Variants in CCDC102B observed in about 807,000 individuals in gnomAD.
The protein encoded by CCDC102B is coiled-coil domain-containing protein 102B.
A neutral mutation model predicts 57.4 loss-of-function variants in CCDC102B; 75 were observed. The ratio of observed to expected loss-of-function variants is 1.31; its 90% CI spans 1.08 to 1.58. CCDC102B has a LOEUF of 1.58. Among genes scored for constraint, CCDC102B ranks in the 40% most tolerant of loss-of-function variants. CCDC102B has a pLI of 0.00. For synonymous variants in CCDC102B, 206 were observed against 201.9 expected, an observed-to-expected ratio of 1.02 and a Z score of -0.17; for missense variants, 636 against 582.6, an observed-to-expected ratio of 1.09 and a Z score of -0.94.
At chr18:68,777,826 T>C (rs1201251097) in intron 2 of CCDC102B, among the ~76,000 whole-genome samples, 2 of 152,088 alleles carry the variant, frequency 1.3e-5, no homozygotes, top group Non-Finnish European at 2.9e-5. Flanking sequence ...ATACAGTGAT[T>C]GCAATTGTTT....
intron 4 of CCDC102B, among the ~76,000 whole-genome samples, chr18:68,847,043 A>G (rs1179283122): frequency 6.6e-6 from 1 of 151,740 alleles, no homozygotes; most frequent in Non-Finnish European, 1.5e-5. Context: ...TTTACATGTT[A>G]TGTGTATTAA....
intron 2 of CCDC102B, among the ~76,000 whole-genome samples, chr18:68,773,570 T>C (rs931707607): frequency 2.0e-5 from 3 of 152,030 alleles, no homozygotes; most frequent in Non-Finnish European, 4.4e-5. Flanking sequence ...TTAAATATGA[T>C]TGGTTTTGAA....
intron 1 of CCDC102B, among the ~76,000 whole-genome samples, chr18:68,819,710 A>G (rs1350029205): frequency 1.3e-5 from 2 of 152,038 alleles, no homozygotes; most frequent in African/African-American, 2.4e-5. Context: ...ACAAACAGAC[A>G]TAATATATTC....
chr18:68,825,112 A>T (rs754629899), intron 1 of CCDC102B, among the ~76,000 whole-genome samples: 1 of 152,314 alleles, frequency 6.6e-6, no homozygotes, highest in East Asian at 1.9e-4. Context: ...TATTTGATTT[A>T]CGGAAGTTAC....
intron 6 of CCDC102B, among the ~76,000 whole-genome samples, chr18:68,913,344 G>GTGTGTGTGT (rs1555725389): frequency 1.3e-4 from 20 of 150,206 alleles, no homozygotes; most frequent in South Asian, 4.2e-4. Flanking sequence ...GTGTGTGTGT[G>GTGTGTGTGT]GTCCTACTTT....
intron 6 of CCDC102B, among the ~76,000 whole-genome samples, chr18:68,914,275 C>T (rs2040984744): frequency 1.3e-5 from 2 of 152,210 alleles, no homozygotes; most frequent in South Asian, 4.1e-4. Flanking sequence ...ATCCCAAAGA[C>T]GCATGTGCTA....
chr18:68,826,952 G>A (rs533810437), intron 1 of CCDC102B, among the ~76,000 whole-genome samples: 2 of 152,084 alleles, frequency 1.3e-5, no homozygotes, highest in African/African-American at 4.8e-5. Flanking sequence ...AATACAAAAT[G>A]TCAACACTAG....
intron 2 of CCDC102B, among the ~76,000 whole-genome samples, chr18:68,733,845 C>T (rs2033007329): frequency 6.6e-6 from 1 of 151,988 alleles, no homozygotes; most frequent in Non-Finnish European, 1.5e-5. Flanking sequence ...CTGTAAAGAC[C>T]TTTAGGTTCC....
chr18:68,941,412 G>A (rs1017789757), intron 6 of CCDC102B, among the ~76,000 whole-genome samples: 1 of 151,864 alleles, frequency 6.6e-6, no homozygotes, highest in Non-Finnish European at 1.5e-5. Flanking sequence ...GTGAAAGCTA[G>A]GTCTAAATTT....
chr18:68,956,539 T>TTA (rs376706423), intron 6 of CCDC102B, among the ~76,000 whole-genome samples: 1,066 of 5,682 alleles, frequency 0.19, 196 homozygotes, highest in African/African-American at 0.34. Context: ...ATTATATATT[T>TTA]TATATATATA....
chr18:68,752,574 A>G (rs2033899330), intron 2 of CCDC102B, among the ~76,000 whole-genome samples: 1 of 151,698 alleles, frequency 6.6e-6, no homozygotes, highest in Admixed American at 6.6e-5. Flanking sequence ...CCTTCGTCCA[A>G]TAGGTAAACT....
At chr18:68,754,265 T>G (rs1490240707) in intron 2 of CCDC102B, 1 of 152,122 alleles carries the variant, frequency 6.6e-6, no homozygotes, top group Non-Finnish European at 1.5e-5. Context: ...TCCAGTAGAT[T>G]AAAAAAATAC....
chr18:69,013,057 G>T (rs2051562791), intron 7 of CCDC102B, among the ~76,000 whole-genome samples: 1 of 151,686 alleles, frequency 6.6e-6, no homozygotes, highest in South Asian at 2.1e-4. Flanking sequence ...ATATCAAAAA[G>T]ATACCTGCCC....
intron 2 of CCDC102B, among the ~76,000 whole-genome samples, chr18:68,718,338 C>G (rs1044777942): frequency 1.3e-5 from 2 of 152,078 alleles, no homozygotes; most frequent in African/African-American, 4.8e-5. Flanking sequence ...TATATAGCAA[C>G]GAGAATGAAT....
At chr18:68,747,918 T>C (rs1485731022) in intron 2 of CCDC102B, among the ~76,000 whole-genome samples, 1 of 152,150 alleles carries the variant, frequency 6.6e-6, no homozygotes, top group African/African-American at 2.4e-5. Context: ...AGCTCTATTT[T>C]TAATTTTTTG....
intron 6 of CCDC102B, among the ~76,000 whole-genome samples, chr18:68,942,443 T>G (rs1458617735): frequency 1.3e-5 from 2 of 152,010 alleles, no homozygotes; most frequent in Admixed American, 1.3e-4. Flanking sequence ...CCCTCAGTAT[T>G]TATTGATCAT....
chr18:68,981,183 A>G (rs1360342423), intron 6 of CCDC102B, among the ~76,000 whole-genome samples: 1 of 152,084 alleles, frequency 6.6e-6, no homozygotes, highest in Non-Finnish European at 1.5e-5. Context: ...AGCAAACTAC[A>G]GAGAACAAAA....
At chr18:69,009,285 A>G (rs2051434913) in intron 6 of CCDC102B, among the ~76,000 whole-genome samples, 1 of 152,142 alleles carries the variant, frequency 6.6e-6, no homozygotes, top group South Asian at 2.1e-4. Context: ...GTATAAAATA[A>G]TGCAGACAGA....
chr18:69,041,115 A>T (rs2052423315), intron 7 of CCDC102B, among the ~76,000 whole-genome samples: 2 of 152,138 alleles, frequency 1.3e-5, no homozygotes, highest in African/African-American at 4.8e-5. Context: ...GAGCAAAAAA[A>T]ATGAGTTTAA....
Sources: gnomAD v4.1 joint callset for allele counts (sites outside exome capture counted in the v4.1 genomes callset) on GRCh38, gnomAD v4.1.1 for gene constraint, MANE v1.5 for transcripts, NCBI Gene and HGNC (gene_info 2026-07-23, HGNC 2026-07-21) for gene names.